SPDYE12: variants seen among roughly 807,000 people sequenced by gnomAD.
The protein encoded by SPDYE12 is speedy/RINGO cell cycle regulator family member E12.
chr7:74,907,736 A>G, the SPDYE12 span, among the ~76,000 whole-genome samples: 2 of 110,092 alleles, frequency 1.8e-5, no homozygotes, highest in African/African-American at 5.5e-5. Context: ...TGTCTTGATA[A>G]ATAAATAAAT....
the SPDYE12 span, among the ~76,000 whole-genome samples, chr7:74,908,037 T>C: frequency 6.6e-6 from 1 of 150,640 alleles, no homozygotes; most frequent in African/African-American, 2.4e-5. Flanking sequence ...CAATGTCACG[T>C]TATAATAGGA....
At chr7:74,907,734 T>A in the SPDYE12 span, among the ~76,000 whole-genome samples, 1 of 111,302 alleles carries the variant, frequency 9.0e-6, no homozygotes, top group Non-Finnish European at 1.7e-5. Context: ...CTTGTCTTGA[T>A]AAATAAATAA....
the SPDYE12 span, among the ~76,000 whole-genome samples, chr7:74,908,851 T>TA: frequency 4.1e-5 from 6 of 147,720 alleles, no homozygotes; most frequent in South Asian, 2.1e-4. Context: ...TTTTTGTATT[T>TA]TTTTTTTTTT....
chr7:74,915,043 G>A, the SPDYE12 span, among the ~76,000 whole-genome samples: 35 of 151,970 alleles, frequency 2.3e-4, no homozygotes, highest in African/African-American at 7.5e-4. Flanking sequence ...AACTGAATGC[G>A]GAAGGAAATC....
the SPDYE12 span, among the ~76,000 whole-genome samples, chr7:74,908,771 T>C: frequency 1.4e-5 from 2 of 138,996 alleles, no homozygotes; most frequent in Non-Finnish European, 3.0e-5. Context: ...CCTCCCAGGT[T>C]CACGCCATTC....
At chr7:74,908,783 C>T in the SPDYE12 span, among the ~76,000 whole-genome samples, 2 of 145,844 alleles carry the variant, frequency 1.4e-5, no homozygotes, top group South Asian at 2.2e-4. Flanking sequence ...ACGCCATTCT[C>T]CTCCCTCAGT....
At chr7:74,904,705 AC>A in the SPDYE12 span, among the ~76,000 whole-genome samples, 3 of 151,054 alleles carry the variant, frequency 2.0e-5, no homozygotes, top group African/African-American at 7.3e-5. Context: ...CAGTTATAAC[AC>A]CCATCACACA....
At chr7:74,904,854 T>C in the SPDYE12 span, among the ~76,000 whole-genome samples, 16 of 149,204 alleles carry the variant, frequency 1.1e-4, no homozygotes, top group Admixed American at 1.1e-3. Context: ...TTTAAATAAT[T>C]CTATACCCAT....
chr7:74,908,974 C>T, the SPDYE12 span, among the ~76,000 whole-genome samples: 1 of 148,850 alleles, frequency 6.7e-6, no homozygotes, highest in Non-Finnish European at 1.5e-5. Context: ...AGCCACCGCA[C>T]CTGGCCTGTT....
chr7:74,909,053 CTTTTTT>C, the SPDYE12 span, among the ~76,000 whole-genome samples: 15 of 46,274 alleles, frequency 3.2e-4, no homozygotes, highest in African/African-American at 1.1e-3. Flanking sequence ...TTTTTTTTGG[CTTTTTT>C]TTTTTTTTTT....
the SPDYE12 span, chr7:74,910,914 T>C: frequency 7.5e-7 from 1 of 1,339,772 alleles, no homozygotes; most frequent in African/African-American, 1.5e-5. Context: ...AGAGAGCAGA[T>C]GTCAGTGTGA....
chr7:74,909,445 T>C, the SPDYE12 span: 2 of 941,542 alleles, frequency 2.1e-6, no homozygotes, highest in Admixed American at 3.9e-5. Flanking sequence ...AAAGAATAAA[T>C]GAAAGGCTGG....
chr7:74,907,743 A>T, the SPDYE12 span, among the ~76,000 whole-genome samples: 1 of 127,736 alleles, frequency 7.8e-6, no homozygotes, highest in East Asian at 2.0e-4. Context: ...ATAAATAAAT[A>T]AATAAATAAA....
At chr7:74,908,961 G>T in the SPDYE12 span, among the ~76,000 whole-genome samples, 1 of 147,576 alleles carries the variant, frequency 6.8e-6, no homozygotes, top group Non-Finnish European at 1.5e-5. Context: ...GATTACAGGC[G>T]TGAGCCACCG....
chr7:74,910,213 G>A, the SPDYE12 span, among the ~76,000 whole-genome samples: 123,350 of 135,394 alleles, frequency 0.91, 56,663 homozygotes, highest in East Asian at 1. Flanking sequence ...TTCTACGAAG[G>A]TTTCAAAAAT....
chr7:74,909,510 C>G, the SPDYE12 span: 3 of 1,542,126 alleles, frequency 1.9e-6, no homozygotes, highest in Middle Eastern at 2.3e-4. Flanking sequence ...TAGGAGGCAG[C>G]AAACCACTCA....
chr7:74,906,330 T>G, the SPDYE12 span, among the ~76,000 whole-genome samples: 705 of 114,340 alleles, frequency 6.2e-3, 29 homozygotes, highest in Non-Finnish European at 9.0e-3. Flanking sequence ...GAACTCAGTA[T>G]TTATGATTAT....
At chr7:74,904,840 A>G in the SPDYE12 span, among the ~76,000 whole-genome samples, 2 of 149,224 alleles carry the variant, frequency 1.3e-5, no homozygotes, top group Admixed American at 6.7e-5. Context: ...TAAATAAAAT[A>G]ATATTTAAAT....
the SPDYE12 span, among the ~76,000 whole-genome samples, chr7:74,914,932 A>AC: frequency 3.8e-4 from 54 of 142,622 alleles, no homozygotes; most frequent in Non-Finnish European, 6.9e-4. Context: ...TCAAAAAAAA[A>AC]AAACAAAAAA....
Sources: gnomAD v4.1 joint callset for allele counts (sites outside exome capture counted in the v4.1 genomes callset) on GRCh38, gnomAD v4.1.1 for gene constraint, MANE v1.5 for transcripts, NCBI Gene and HGNC (gene_info 2026-07-23, HGNC 2026-07-21) for gene names.